OR52A1: variants seen among roughly 807,000 people sequenced by gnomAD.
OR52A1 encodes olfactory receptor 52A1.
Under a neutral mutation model 14.3 loss-of-function variants are expected in OR52A1, and 14 were observed. The ratio of observed to expected loss-of-function variants is 0.98; its 90% CI spans 0.65 to 1.54. The LOEUF (loss-of-function observed/expected upper bound fraction) is 1.54, where lower values mean the gene tolerates loss of function less well. Ranked by LOEUF, OR52A1 falls within the 40% of genes most tolerant of loss-of-function variation. OR52A1 has a pLI of 0.00. For synonymous variants in OR52A1, 151 were observed against 135.3 expected (o/e 1.12, Z -0.80); for missense variants, 405 against 381.3 (o/e 1.06, Z -0.52).
Position 5,152,009 on chromosome 11 carries a change from C to A in OR52A1, c.361G>T (p.Ala121Ser). 1 of 1,614,036 alleles carries A rather than the reference C, an allele frequency of 6.2e-7. No homozygotes were observed. Among genetic ancestry groups the A allele is most frequent in the Non-Finnish European group, 8.5e-7 (1 of 1,179,974 alleles). ...CAGATGGCCACATAACGGTCCAGGG[C>A]CATGGCCACAAGGATGCCTGACTCT... is the stretch of plus-strand genomic sequence containing the variant. ...GIESGILVAMALDRYVAICYP... is the reference protein window; with the variant it reads ...GIESGILVAMSLDRYVAICYP... Residue 121 changes from alanine (A) to serine (S), a missense_variant, in exon 2 of 2, where the codon GCC becomes TCC. Coordinates refer to ENST00000380367, the MANE Select transcript of OR52A1 (RefSeq NM_012375.3).
chr11:5,148,388 A>T lies in OR52A1; in HGVS notation c.*3043T>A. On this transcript the variant is annotated 3_prime_UTR_variant, in exon 2 of 2. Transcript: ENST00000380367. The stretch of plus-strand genomic sequence containing the variant: ...TTACAGGCACCCCCCCAACACGCCC[A>T]TCTAATTTTTTGTATTTTTGGTAGA... The T allele has an allele frequency of 6.6e-6, 1 of 152,040 alleles. No homozygotes were observed. 9.4% of individuals were successfully genotyped at this position (152,040 alleles called of 1,614,324 possible).
In OR52A1 at chr11:5,151,011, T is replaced by C. The variant is rs1175524678; in HGVS notation, c.*420A>G. On this transcript the variant is annotated 3_prime_UTR_variant, in exon 2 of 2. Coordinates refer to ENST00000380367, the MANE Select transcript of OR52A1 (RefSeq NM_012375.3). ...GAACACAGTTAACATGTACTTCCTT[T>C]GATTTTTTTTTTTAAGGCAGGGATG... 6.5e-6 allele frequency: 1 copy of C among 154,210 alleles called. No individual in the cohort carries two copies. Among genetic ancestry groups the C allele is most frequent in the Non-Finnish European group, 1.4e-5 (1 of 69,528 alleles). 9.6% of individuals were successfully genotyped at this position (154,210 alleles called of 1,614,324 possible).
rs1408095633 is a variant in OR52A1 at position 5,148,318 on chromosome 11, C to T, written c.*3113G>A. 2.6e-5 allele frequency: 4 copies of T among 151,916 alleles called. No homozygotes were observed. Among genetic ancestry groups the T allele is most frequent in the African/African-American group, 4.8e-5 (2 of 41,362 alleles). The allele number at this position is 151,916 out of a possible 1,614,324, so 9.4% of individuals were successfully genotyped here. On this transcript the variant is annotated 3_prime_UTR_variant, in exon 2 of 2. Coordinates refer to ENST00000380367, the MANE Select transcript of OR52A1 (RefSeq NM_012375.3). Reference sequence around the variant, plus strand: ...TCGGGTCACCGCAACCTCCGCCCTCCGAGTTCAAGCAATTCTCCTGCCTCA... The same window carrying T: ...TCGGGTCACCGCAACCTCCGCCCTCTGAGTTCAAGCAATTCTCCTGCCTCA...
At chr11:5,154,257 G>A (rs1564854102) in intron 1 of OR52A1, among the ~76,000 whole-genome samples, 190 bp downstream of exon 1, 1 of 152,140 alleles carries the variant, frequency 6.6e-6, no homozygotes. Context: ...GGTTGCAGGT[G>A]GTGGTGTATG....
At chr11:5,153,569 GC>G (rs1846573984) in intron 1 of OR52A1, among the ~76,000 whole-genome samples, 1 of 152,056 alleles carries the variant, frequency 6.6e-6, no homozygotes, top group African/African-American at 2.4e-5. Flanking sequence ...GGGCTCTTAT[GC>G]TTTATATAAA....
At position 5,152,371 on chromosome 11, in the gene OR52A1, G is replaced by C; in HGVS notation, c.-2C>G. ...GACTGTGATGTTGGAAATGGACATA[G>C]TGTCGTTGGGTCTCCTGATGCAAAC... is the stretch of plus-strand genomic sequence containing the variant. On this transcript the variant is annotated 5_prime_UTR_variant, in exon 2 of 2. Transcript: ENST00000380367. 6.3e-7 allele frequency: 1 copy of C among 1,581,306 alleles called. No homozygotes were observed. Among genetic ancestry groups the C allele is most frequent in the South Asian group, 1.1e-5 (1 of 87,490 alleles).
rs1424762369 is a variant in OR52A1, at chr11:5,148,159, G to A, written c.*3272C>T. The stretch of plus-strand genomic sequence containing the variant: ...GGTGGAAATGAGCCAAATGTTGTAA[G>A]TTATTTTTCCCAAATTGAACATTTA... On this transcript the variant is annotated 3_prime_UTR_variant, in exon 2 of 2. Coordinates refer to ENST00000380367, the MANE Select transcript of OR52A1 (RefSeq NM_012375.3). 6.6e-6 allele frequency: 1 copy of A among 151,790 alleles called. No individual in the cohort carries two copies. The highest frequency in any genetic ancestry group is 1.9e-4 in the East Asian group (1 of 5,164). The allele number at this position is 151,790 out of a possible 1,614,324, so 9.4% of individuals were successfully genotyped here.
At chr11:5,154,145 T>A (rs1322606676) in intron 1 of OR52A1, among the ~76,000 whole-genome samples, 1 of 152,174 alleles carries the variant, frequency 6.6e-6, no homozygotes, top group Admixed American at 6.6e-5. Context: ...CCAAAGATAA[T>A]CACAATTAGA....
Position 5,151,280 on chromosome 11 carries a change from C to T in OR52A1, c.*151G>A, listed in dbSNP as rs1846536100. ...TAGTCACGTAGAATTCACAATCCCA[C>T]TGATTGATATGAGCCATGATGATCT... On this transcript the variant is annotated 3_prime_UTR_variant, in exon 2 of 2. Transcript: ENST00000380367. 1.5e-6 allele frequency: 1 copy of T among 648,362 alleles called. No individual in the cohort carries two copies. The highest frequency in any genetic ancestry group is 2.7e-6 in the Non-Finnish European group (1 of 368,644). The allele number at this position is 648,362 out of a possible 1,614,324, so 40.2% of individuals were successfully genotyped here. A position where few individuals can be genotyped will look rare whatever the true frequency, so the allele number is the denominator to read the frequency against.
In OR52A1 at chr11:5,149,488, T is replaced by C. The variant is rs1204312501; in HGVS notation, c.*1943A>G. 2.0e-5 allele frequency: 3 copies of C among 152,190 alleles called. No homozygotes were observed. Among genetic ancestry groups the C allele is most frequent in the South Asian group, 2.1e-4 (1 of 4,824 alleles). The allele number at this position is 152,190 out of a possible 1,614,324, so 9.4% of individuals were successfully genotyped here. On this transcript the variant is annotated 3_prime_UTR_variant, in exon 2 of 2. Transcript: ENST00000380367. ...GAAACTCTAACTTTCAGCTACACTTTGTTACTCTGTAGAAAAAAAAAATGG... is the reference window on the plus strand; with the variant it reads ...GAAACTCTAACTTTCAGCTACACTTCGTTACTCTGTAGAAAAAAAAAATGG...
chr11:5,151,788 A>G lies in OR52A1; in HGVS notation c.582T>C (p.Asn194=). The stretch of plus-strand genomic sequence containing the variant: ...AACCATAGATTTTGTTGACTTGAAC[A>G]TTTGCTGCTGCTAGTTTCACAATGG... The part of the protein sequence containing the change: ...HMAIVKLAAA[N]VQVNKIYGLF... Residue 194 remains asparagine (N), a synonymous_variant, in exon 2 of 2, where the codon AAT becomes AAC. Transcript: ENST00000380367. The G allele has an allele frequency of 6.2e-7, 1 of 1,614,204 alleles. No homozygotes were observed. The highest frequency in any genetic ancestry group is 8.5e-7 in the Non-Finnish European group (1 of 1,180,022).
chr11:5,151,809 A>G lies in OR52A1; in HGVS notation c.561T>C (p.Ile187=). The part of the protein sequence containing the change: ...ISHSYCEHMA[I]VKLAAANVQV... ...GAACATTTGCTGCTGCTAGTTTCACAATGGCCATATGCTCACAGTAGGAGT... is the reference window on the plus strand; with the variant it reads ...GAACATTTGCTGCTGCTAGTTTCACGATGGCCATATGCTCACAGTAGGAGT... Residue 187 remains isoleucine, a synonymous_variant, in exon 2 of 2, where the codon ATT becomes ATC. Coordinates refer to ENST00000380367, the MANE Select transcript of OR52A1 (RefSeq NM_012375.3). The G allele has an allele frequency of 6.2e-7, 1 of 1,614,162 alleles. No homozygotes were observed. Among genetic ancestry groups the G allele is most frequent in the Middle Eastern group, 1.6e-4 (1 of 6,062 alleles).
rs1165567361 is a variant in OR52A1, at chr11:5,151,437, A to C, written c.933T>G (p.Cys311Trp). ...GCATTAATTAAGGTGGATTTTATGA[A>C]CAGAACATTTTTACCACATGAATGC... ...QIRIHVVKMF[C>W]S The change falls in exon 2 of 2, where the codon TGT becomes TGG. Residue 311 changes from cysteine to tryptophan, a missense_variant. Transcript: ENST00000380367. The C allele has an allele frequency of 1.9e-6, 3 of 1,603,868 alleles. No homozygotes were observed. The highest frequency in any genetic ancestry group is 1.7e-4 in the Middle Eastern group (1 of 5,996).
chr11:5,153,771 A>G (rs138584376), intron 1 of OR52A1, among the ~76,000 whole-genome samples: 17 of 151,470 alleles, frequency 1.1e-4, no homozygotes, highest in African/African-American at 3.9e-4. Flanking sequence ...TCATGTCACC[A>G]ATATGCTGGA....
rs759386525 is a variant in OR52A1 at position 5,151,704 on chromosome 11, G to A, written c.666C>T (p.Ile222=). 6 of 1,614,158 alleles carry A rather than the reference G, an allele frequency of 3.7e-6. No individual in the cohort carries two copies. Among genetic ancestry groups the A allele is most frequent in the Admixed American group, 1.7e-5 (1 of 60,030 alleles). ...FDLTFITLSY[I]QIFITVFRLP... Reference sequence around the variant, plus strand: ...AACGAAAAACTGTGATAAATATCTGGATGTAGGACAATGTGATGAATGTGA... The same window carrying A: ...AACGAAAAACTGTGATAAATATCTGAATGTAGGACAATGTGATGAATGTGA... The change falls in exon 2 of 2, where the codon ATC becomes ATT. Residue 222 remains isoleucine (I), a synonymous_variant. Coordinates refer to ENST00000380367, the MANE Select transcript of OR52A1 (RefSeq NM_012375.3).
Position 5,151,791 on chromosome 11 carries a change from T to C in OR52A1, c.579A>G (p.Ala193=). ...CATAGATTTTGTTGACTTGAACATTTGCTGCTGCTAGTTTCACAATGGCCA... is the reference window on the plus strand; with the variant it reads ...CATAGATTTTGTTGACTTGAACATTCGCTGCTGCTAGTTTCACAATGGCCA... ...EHMAIVKLAA[A]NVQVNKIYGL... The change falls in exon 2 of 2, where the codon GCA becomes GCG. Residue 193 remains alanine (A), a synonymous_variant. Transcript: ENST00000380367. 1 of 1,614,194 alleles carries C rather than the reference T, an allele frequency of 6.2e-7. No individual in the cohort carries two copies.
chr11:5,153,013 C>T (rs954652094), intron 1 of OR52A1, among the ~76,000 whole-genome samples: 1 of 152,094 alleles, frequency 6.6e-6, no homozygotes, highest in African/African-American at 2.4e-5. Context: ...AGCCAAAGCT[C>T]CTGGTTGCTT....
intron 1 of OR52A1, 65 bp downstream of exon 1, chr11:5,154,382 T>C (rs1846585512): frequency 6.6e-6 from 1 of 152,142 alleles, no homozygotes; most frequent in Non-Finnish European, 1.5e-5. Flanking sequence ...GAGAGCTGGT[T>C]TTGCTCTTAC....
In OR52A1 at chr11:5,150,312, G is replaced by T. The variant is rs1412971150; in HGVS notation, c.*1119C>A. The T allele has an allele frequency of 6.6e-6, 1 of 151,736 alleles. No individual in the cohort carries two copies. Among genetic ancestry groups the T allele is most frequent in the Non-Finnish European group, 1.5e-5 (1 of 67,982 alleles). 9.4% of individuals were successfully genotyped at this position (151,736 alleles called of 1,614,324 possible). ...CTCCAATGGCACATTATAGCTTTTGGAATAAAGTCCAGCAACTCTGCACAA... is the reference window on the plus strand; with the variant it reads ...CTCCAATGGCACATTATAGCTTTTGTAATAAAGTCCAGCAACTCTGCACAA... On this transcript the variant is annotated 3_prime_UTR_variant, in exon 2 of 2. Transcript: ENST00000380367.
Sources: gnomAD v4.1 joint callset for allele counts (sites outside exome capture counted in the v4.1 genomes callset) on GRCh38, gnomAD v4.1.1 for gene constraint, MANE v1.5 for transcripts, NCBI Gene and HGNC (gene_info 2026-07-23, HGNC 2026-07-21) for gene names.